KCNT2: variants seen among roughly 807,000 people sequenced by gnomAD.
KCNT2 encodes the protein potassium channel subfamily T member 2.
Under a neutral mutation model 153.8 loss-of-function variants are expected in KCNT2, and 67 were observed. The ratio of observed to expected loss-of-function variants is 0.44; its 90% confidence interval spans 0.36 to 0.53. The LOEUF (loss-of-function observed/expected upper bound fraction) is 0.53, where lower values mean the gene tolerates loss of function less well. Ranked by LOEUF, KCNT2 falls within the 20% of genes least tolerant of loss-of-function variation. The pLI is 0.00. For synonymous variants in KCNT2, 500 were observed against 458.8 expected (o/e 1.09, Z -1.15); for missense variants, 975 against 1,354.8 (o/e 0.72, Z 4.40).
At chr1:196,496,450 A>G (rs1457385025) in intron 1 of KCNT2, among the ~76,000 whole-genome samples, 1 of 151,184 alleles carries the variant, frequency 6.6e-6, no homozygotes, top group Non-Finnish European at 1.5e-5. Context: ...CCTGGGCGAC[A>G]GAGCAAGACT....
chr1:196,421,801 G>A (rs1270953826), intron 12 of KCNT2, among the ~76,000 whole-genome samples: 1 of 152,008 alleles, frequency 6.6e-6, no homozygotes, highest in East Asian at 1.9e-4. Context: ...AAATCAAGTT[G>A]TTGGCAGGGT....
intron 1 of KCNT2, among the ~76,000 whole-genome samples, chr1:196,555,065 C>T (rs899153295): frequency 3.3e-5 from 5 of 151,186 alleles, no homozygotes; most frequent in African/African-American, 9.7e-5. Context: ...AACCTTTCCT[C>T]TAAGGTTTGG....
At chr1:196,332,663 G>A (rs913024546) in intron 17 of KCNT2, among the ~76,000 whole-genome samples, 1 of 151,852 alleles carries the variant, frequency 6.6e-6, no homozygotes, top group African/African-American at 2.4e-5. Context: ...CTAATTGAAC[G>A]CTTACTCTAC....
chr1:196,285,198 T>C (rs1326352384), intron 23 of KCNT2, among the ~76,000 whole-genome samples: 3 of 152,318 alleles, frequency 2.0e-5, no homozygotes, highest in Admixed American at 6.5e-5. Context: ...TTTTCTAAAA[T>C]AGGCAATAAT....
At chr1:196,582,064 A>T (rs1176430149) in intron 1 of KCNT2, among the ~76,000 whole-genome samples, 2 of 152,044 alleles carry the variant, frequency 1.3e-5, no homozygotes, top group Admixed American at 1.3e-4. Context: ...TTACTTATCA[A>T]CTTCTCTCCA....
intron 1 of KCNT2, among the ~76,000 whole-genome samples, chr1:196,599,311 C>T (rs779001814): frequency 6.6e-6 from 1 of 152,190 alleles, no homozygotes; most frequent in Non-Finnish European, 1.5e-5. Context: ...CCACTTTTAT[C>T]CCTATTCACA....
chr1:196,500,143 A>G (rs1680558835), intron 1 of KCNT2, among the ~76,000 whole-genome samples: 1 of 150,714 alleles, frequency 6.6e-6, no homozygotes, highest in Non-Finnish European at 1.5e-5. Flanking sequence ...GACTCCATCA[A>G]AAAAAAGGGA....
At chr1:196,538,260 G>A (rs1655872784) in intron 1 of KCNT2, among the ~76,000 whole-genome samples, 1 of 152,082 alleles carries the variant, frequency 6.6e-6, no homozygotes, top group Non-Finnish European at 1.5e-5. Context: ...GAGCAATATA[G>A]CTGCCACCAG....
rs145989981 is a variant in KCNT2 at position 196,297,967 on chromosome 1, C to T, written c.2595+7267G>A. On this transcript the variant is annotated intron_variant, in intron 22 of 27. Coordinates refer to ENST00000294725, the MANE Select transcript of KCNT2 (RefSeq NM_198503.5). ...TATGTGCTCAGTAAATATTTATTCA[C>T]TTGAGTTTAAATTGAGAATGTGTAA... Among the ~76,000 whole-genome samples, 3 of 152,220 alleles carry T rather than the reference C, an allele frequency of 2.0e-5. No homozygotes were observed. In the East Asian group the frequency reaches 5.8e-4, roughly 29 times the overall value.
chr1:196,347,517 A>C (rs1666244879), intron 14 of KCNT2, among the ~76,000 whole-genome samples: 1 of 152,178 alleles, frequency 6.6e-6, no homozygotes, highest in Non-Finnish European at 1.5e-5. Context: ...CCTTGTTTCC[A>C]GTGAATGCTT....
chr1:196,429,494 C>A, intron 9 of KCNT2, 83 bp downstream of exon 9: 2 of 849,302 alleles, frequency 2.4e-6, no homozygotes, highest in South Asian at 2.6e-5. Context: ...ATAAATAAGC[C>A]ACTTTCCATT....
At chr1:196,239,587 A>G (rs1334153582) in intron 26 of KCNT2, among the ~76,000 whole-genome samples, 1 of 152,030 alleles carries the variant, frequency 6.6e-6, no homozygotes, top group Non-Finnish European at 1.5e-5. Flanking sequence ...TATTCCATAC[A>G]CATTACTTTC....
At chr1:196,273,175 C>T (rs529810665) in intron 25 of KCNT2, among the ~76,000 whole-genome samples, 1 of 151,880 alleles carries the variant, frequency 6.6e-6, no homozygotes, top group African/African-American at 2.4e-5. Flanking sequence ...ACTTTAAAAA[C>T]CATGATAATA....
chr1:196,530,729 T>A (rs955391875), intron 1 of KCNT2, among the ~76,000 whole-genome samples: 1 of 152,062 alleles, frequency 6.6e-6, no homozygotes, highest in African/African-American at 2.4e-5. Flanking sequence ...GCTAACAAAA[T>A]AAGAAACATC....
chr1:196,255,593 TG>T (rs1189478072), intron 26 of KCNT2, among the ~76,000 whole-genome samples: 15 of 151,958 alleles, frequency 9.9e-5, no homozygotes, highest in Middle Eastern at 3.4e-3. Flanking sequence ...CAGTAGGGTT[TG>T]AAGGAGCAGA....
Position 196,410,726 on chromosome 1 carries a change from C to A in KCNT2, c.1186-12055G>T, listed in dbSNP as rs201366892. On this transcript the variant is annotated intron_variant, in intron 12 of 27. Coordinates refer to ENST00000294725, the MANE Select transcript of KCNT2 (RefSeq NM_198503.5). ...CTCAGTGCTTAAAAAAAAAAAAAAA[C>A]TTGTCTATTTCTTATTTTGTTGCTT... 1.4e-3 allele frequency among the ~76,000 whole-genome samples: 187 copies of A among 133,760 alleles called. 1 individual carries two copies. Among genetic ancestry groups the A allele is most frequent in the African/African-American group, 5.0e-3 (180 of 35,752 alleles). 87.8% of individuals were successfully genotyped at this position (133,760 alleles called of 152,430 possible).
intron 14 of KCNT2, 115 bp downstream of exon 14, chr1:196,373,025 G>A (rs113243480): frequency 0.056 from 32,619 of 579,328 alleles, 1,244 homozygotes; most frequent in Non-Finnish European, 0.07. Flanking sequence ...ACAAATTCAA[G>A]TATAGGTACA....
intron 14 of KCNT2, among the ~76,000 whole-genome samples, chr1:196,352,671 A>T (rs191521382): frequency 1.3e-5 from 2 of 151,974 alleles, no homozygotes; most frequent in Non-Finnish European, 2.9e-5. Context: ...TGGATTCATT[A>T]ATTTTTTGAA....
At chr1:196,338,295 T>G (rs1190575790) in intron 16 of KCNT2, among the ~76,000 whole-genome samples, 1 of 151,812 alleles carries the variant, frequency 6.6e-6, no homozygotes, top group Non-Finnish European at 1.5e-5. Flanking sequence ...TGAAAGAAAG[T>G]GAGTATGTTT....
Sources: allele counts gnomAD v4.1 joint callset (sites outside exome capture counted in the v4.1 genomes callset), GRCh38; gene constraint gnomAD v4.1.1; transcripts MANE v1.5; gene names NCBI Gene and HGNC (gene_info 2026-07-23, HGNC 2026-07-21).